RPP30: variants seen among roughly 807,000 people sequenced by gnomAD.
RPP30 encodes the protein ribonuclease P protein subunit p30.
RPP30 carries 36 observed loss-of-function variants against 38.6 expected under a neutral mutation model. That is an observed-to-expected ratio of 0.93 (90% confidence interval 0.71 to 1.23). The LOEUF is 1.23. Among genes scored for constraint, RPP30 ranks in the 50% most tolerant of loss-of-function variants. The pLI, the probability that RPP30 is intolerant of heterozygous loss-of-function variation, is 0.00. For missense variants in RPP30, 321 were observed against 321.7 expected (o/e 1.00, Z 0.02); for synonymous variants, 126 against 112.7 (o/e 1.12, Z -0.75).
intron 6 of RPP30, among the ~76,000 whole-genome samples, chr10:90,889,907 CAT>C (rs1402998991): frequency 1.3e-5 from 2 of 152,196 alleles, no homozygotes; most frequent in Admixed American, 6.5e-5. Context: ...GCATTTCTGT[CAT>C]GTGATAGATG....
rs565739737 is a variant in RPP30 at position 90,901,725 on chromosome 10, G to A, written c.*1046G>A. ...GCATTTATGCAATATTAATGTAAGG[G>A]CTCTAAAACAATGGAGTAGAGCCAG... On this transcript the variant is annotated 3_prime_UTR_variant, in exon 11 of 11. Transcript: ENST00000371703. 18 of 984,286 alleles carry A rather than the reference G, an allele frequency of 1.8e-5. No individual in the cohort carries two copies. Among genetic ancestry groups the A allele is most frequent in the East Asian group, 2.3e-4 (2 of 8,806 alleles). 61.0% of individuals were successfully genotyped at this position (984,286 alleles called of 1,614,324 possible).
At chr10:90,903,580 C>G (rs756515721), downstream of RPP30, among the ~76,000 whole-genome samples, 1 of 152,190 alleles carries the variant, frequency 6.6e-6, no homozygotes, top group African/African-American at 2.4e-5. Context: ...TCTATTCATA[C>G]ATGTTTATGC....
rs1364941552 is a variant in RPP30, at chr10:90,900,909, G to A, written c.*230G>A. On this transcript the variant is annotated 3_prime_UTR_variant, in exon 11 of 11. Transcript: ENST00000371703. The stretch of plus-strand genomic sequence containing the variant: ...ATTTAGATGTACTTTAAGAGAGAAA[G>A]ACTGGTTATTTCTCCTTTGTGTAAG... 1 of 1,236,818 alleles carries A rather than the reference G, an allele frequency of 8.1e-7. No individual in the cohort carries two copies. The highest frequency in any genetic ancestry group is 3.4e-5 in the East Asian group (1 of 29,342). 76.6% of individuals were successfully genotyped at this position (1,236,818 alleles called of 1,614,324 possible). A position where few individuals can be genotyped will look rare whatever the true frequency, so the allele number is the denominator to read the frequency against.
intron 4 of RPP30, among the ~76,000 whole-genome samples, chr10:90,878,465 G>C (rs1020471644): frequency 3.3e-5 from 5 of 151,722 alleles, no homozygotes; most frequent in Admixed American, 6.6e-5. Context: ...ACACAATTTA[G>C]GTTTAAGATG....
In RPP30 at chr10:90,885,546, A is replaced by G. The variant is rs184369003; in HGVS notation, c.343-266A>G. 1.7e-3 allele frequency among the ~76,000 whole-genome samples: 257 copies of G among 152,356 alleles called. 1 individual carries two copies. Among genetic ancestry groups the G allele is most frequent in the East Asian group, 7.7e-4 (4 of 5,186 alleles). On this transcript the variant is annotated intron_variant, in intron 5 of 10. Coordinates refer to ENST00000371703, the MANE Select transcript of RPP30 (RefSeq NM_006413.5). The stretch of plus-strand genomic sequence containing the variant: ...GCAACCCATCCTTATGTAGAAGACC[A>G]TATGAGTTAGAGAGTCTCCAGGCCC...
At chr10:90,898,215 T>C (rs558965255) in intron 10 of RPP30, among the ~76,000 whole-genome samples, 2 of 152,344 alleles carry the variant, frequency 1.3e-5, no homozygotes, top group African/African-American at 4.8e-5. Flanking sequence ...CAGGCTTTTA[T>C]AGAAGCTAAA....
chr10:90,888,950 T>G (rs2120210927), intron 6 of RPP30, among the ~76,000 whole-genome samples: 1 of 152,260 alleles, frequency 6.6e-6, no homozygotes, highest in East Asian at 1.9e-4. Context: ...ACAAGATTAT[T>G]TTTAGTCTTC....
chr10:90,886,965 G>T (rs4933617), intron 6 of RPP30, among the ~76,000 whole-genome samples: 90,200 of 150,244 alleles, frequency 0.6, 29,124 homozygotes, highest in African/African-American at 0.87. Context: ...AAAATTATTA[G>T]TAGTAGTAGT....
In RPP30 at chr10:90,874,870, T is replaced by C; in HGVS notation, c.84T>C (p.Leu28=). Residue 28 remains leucine, a splice_region_variant and synonymous_variant, in exon 2 of 11, where the codon CTT becomes CTC. Coordinates refer to ENST00000371703, the MANE Select transcript of RPP30 (RefSeq NM_006413.5). ...LRGLVETAAH[L]GYSVVAINHI... ...AAGTGTTCAATTTTTCTTTTTCAGT[T>C]GGCTATTCAGTTGTTGCTATCAATC... is the stretch of plus-strand genomic sequence containing the variant. The C allele has an allele frequency of 1.3e-6, 2 of 1,595,344 alleles. No individual in the cohort carries two copies. Among genetic ancestry groups the C allele is most frequent in the South Asian group, 2.3e-5 (2 of 88,008 alleles).
downstream of RPP30, chr10:90,903,198 G>T: frequency 6.3e-7 from 1 of 1,586,070 alleles, no homozygotes; most frequent in East Asian, 2.2e-5. Flanking sequence ...AAAGGAACTA[G>T]AATTCAACAA....
chr10:90,873,580 G>T (rs1846811584), intron 1 of RPP30, among the ~76,000 whole-genome samples: 1 of 152,216 alleles, frequency 6.6e-6, no homozygotes, highest in South Asian at 2.1e-4. Context: ...CTCCTAAGCT[G>T]CCAGATGAGG....
intron 6 of RPP30, among the ~76,000 whole-genome samples, chr10:90,891,052 A>G (rs907353148): frequency 5.9e-5 from 9 of 152,234 alleles, no homozygotes; most frequent in African/African-American, 2.2e-4. Flanking sequence ...AACAGTCCCT[A>G]TGCGGAGAGT....
In RPP30 at chr10:90,902,123, A is replaced by G; in HGVS notation, c.*1444A>G. 1.0e-6 allele frequency: 1 copy of G among 989,320 alleles called. No homozygotes were observed. Among genetic ancestry groups the G allele is most frequent in the Non-Finnish European group, 1.2e-6 (1 of 831,976 alleles). 61.3% of individuals were successfully genotyped at this position (989,320 alleles called of 1,614,324 possible). A position where few individuals can be genotyped will look rare whatever the true frequency, so the allele number is the denominator to read the frequency against. On this transcript the variant is annotated 3_prime_UTR_variant, in exon 11 of 11. Transcript: ENST00000371703. ...GAGAAAATACAGTTTTAAAAAGAGA[A>G]AGCTTTATAACCTCACCAATGAATA...
At chr10:90,891,735 G>A (rs1847084233) in intron 6 of RPP30, among the ~76,000 whole-genome samples, 2 of 152,190 alleles carry the variant, frequency 1.3e-5, no homozygotes, top group Admixed American at 1.3e-4. Flanking sequence ...AAGAAAAATA[G>A]TATCTCTTCG....
At chr10:90,894,932 G>A in intron 7 of RPP30, 41 bp downstream of exon 7, 1 of 1,318,084 alleles carries the variant, frequency 7.6e-7, no homozygotes, top group South Asian at 1.2e-5. Flanking sequence ...GCATCTGGCA[G>A]TTTATTATTA....
intron 5 of RPP30, among the ~76,000 whole-genome samples, chr10:90,880,931 T>C (rs1256464365): frequency 6.6e-6 from 1 of 152,174 alleles, no homozygotes; most frequent in Non-Finnish European, 1.5e-5. Flanking sequence ...TAAGAAAGTA[T>C]AATTCAGTGC....
At chr10:90,893,499 C>G (rs1368145863) in intron 6 of RPP30, among the ~76,000 whole-genome samples, 1 of 152,210 alleles carries the variant, frequency 6.6e-6, no homozygotes, top group East Asian at 1.9e-4. Context: ...ATTATCATCT[C>G]TATGCTGAAA....
rs755023007 is a variant in RPP30 at position 90,885,798 on chromosome 10, T to A, written c.343-14T>A. On this transcript the variant is annotated splice_polypyrimidine_tract_variant and intron_variant, in intron 5 of 10. Transcript: ENST00000371703. ...TTTTCCTTTTGGCCTTACCTATTTT[T>A]TTCTTCTTTACAGATTGCTTGCACA... 13 of 1,593,562 alleles carry A rather than the reference T, an allele frequency of 8.2e-6. No homozygotes were observed. Among genetic ancestry groups the A allele is most frequent in the Non-Finnish European group, 1.1e-5 (13 of 1,164,334 alleles).
chr10:90,872,683 G>A (rs1846797686), intron 1 of RPP30, among the ~76,000 whole-genome samples: 1 of 152,122 alleles, frequency 6.6e-6, no homozygotes, highest in Admixed American at 6.5e-5. Flanking sequence ...TCCGTAGACT[G>A]TAAAGTGTTG....
Sources: allele counts gnomAD v4.1 joint callset (sites outside exome capture counted in the v4.1 genomes callset), GRCh38; gene constraint gnomAD v4.1.1; transcripts MANE v1.5; gene names NCBI Gene and HGNC (gene_info 2026-07-23, HGNC 2026-07-21).